Variants in CCDC192 observed in about 807,000 individuals in gnomAD.
CCDC192 encodes coiled-coil domain containing 192.
At chr5:127,894,562 A>G (rs927630306) in intron 6 of CCDC192, among the ~76,000 whole-genome samples, 1 of 152,176 alleles carries the variant, frequency 6.6e-6, no homozygotes, top group Non-Finnish European at 1.5e-5. Context: ...TGAATGGACA[A>G]TGTAAGTTTC....
Position 127,789,697 on chromosome 5 carries a change from A to T in CCDC192, c.223-7406A>T, listed in dbSNP as rs1756756142. On this transcript the variant is annotated intron_variant, in intron 3 of 6. Coordinates refer to ENST00000514853, the MANE Select transcript of CCDC192 (RefSeq NM_001317938.2). ...AAGGAGATGAAGGTGGGGGAAAATG[A>T]AGAAAGTTTCTCAGACTTCTTAGAG... 2.0e-5 allele frequency among the ~76,000 whole-genome samples: 3 copies of T among 152,266 alleles called. No homozygotes were observed. The South Asian group carries it at 6.2e-4, about 31-fold the overall frequency.
At chr5:127,923,377 C>CTTTT (rs746234133) in intron 6 of CCDC192, among the ~76,000 whole-genome samples, 1,662 of 142,348 alleles carry the variant, frequency 0.012, 26 homozygotes, top group African/African-American at 0.041. Context: ...TTTCATTAGT[C>CTTTT]TTTTTTTTTT....
chr5:127,864,000 T>C (rs1201254056), intron 5 of CCDC192, among the ~76,000 whole-genome samples: 3 of 152,178 alleles, frequency 2.0e-5, no homozygotes, highest in Non-Finnish European at 4.4e-5. Context: ...CACTCTTACC[T>C]AGAAAAAATC....
chr5:127,801,707 GC>G (rs1179474639), intron 5 of CCDC192, among the ~76,000 whole-genome samples: 2 of 152,146 alleles, frequency 1.3e-5, no homozygotes, highest in Non-Finnish European at 2.9e-5. Context: ...GGTCCCCACA[GC>G]CTCCTTTAGA....
intron 5 of CCDC192, among the ~76,000 whole-genome samples, chr5:127,859,423 T>C (rs1241477785): frequency 1.3e-5 from 2 of 152,230 alleles, no homozygotes; most frequent in Non-Finnish European, 2.9e-5. Flanking sequence ...TCTAGGATTC[T>C]GGAATCTGGC....
At chr5:127,707,496 A>G (rs1339976167) in intron 1 of CCDC192, among the ~76,000 whole-genome samples, 1 of 152,092 alleles carries the variant, frequency 6.6e-6, no homozygotes, top group Non-Finnish European at 1.5e-5. Flanking sequence ...GAACTTTTAA[A>G]GGCTATTTTA....
chr5:127,833,494 G>A (rs1423960341), intron 5 of CCDC192, among the ~76,000 whole-genome samples: 1 of 152,108 alleles, frequency 6.6e-6, no homozygotes, highest in African/African-American at 2.4e-5. Context: ...TATGTTCCAT[G>A]TATCCTCCTT....
intron 3 of CCDC192, among the ~76,000 whole-genome samples, chr5:127,777,914 A>G (rs769922967): frequency 2.0e-5 from 3 of 151,290 alleles, no homozygotes; most frequent in Non-Finnish European, 2.9e-5. Flanking sequence ...TTTTTTTACA[A>G]ATTATCCAGT....
At chr5:127,791,452 G>T (rs1470867375) in intron 3 of CCDC192, among the ~76,000 whole-genome samples, 1 of 152,192 alleles carries the variant, frequency 6.6e-6, no homozygotes, top group Non-Finnish European at 1.5e-5. Flanking sequence ...AACTGGTCCT[G>T]TCACAAAAAT....
chr5:127,897,301 A>T (rs1752922430), intron 6 of CCDC192, among the ~76,000 whole-genome samples: 1 of 152,120 alleles, frequency 6.6e-6, no homozygotes, highest in Non-Finnish European at 1.5e-5. Flanking sequence ...AACAACAAAA[A>T]ATCAGTCTCT....
At chr5:127,835,478 T>C (rs1238002832) in intron 5 of CCDC192, among the ~76,000 whole-genome samples, 2 of 152,206 alleles carry the variant, frequency 1.3e-5, no homozygotes, top group African/African-American at 2.4e-5. Context: ...AATGGCACTT[T>C]GGTTTAATGG....
At chr5:127,779,983 A>G (rs942811950) in intron 3 of CCDC192, among the ~76,000 whole-genome samples, 1 of 151,964 alleles carries the variant, frequency 6.6e-6, no homozygotes, top group Non-Finnish European at 1.5e-5. Context: ...AACATATGAC[A>G]TTTGGTTTTC....
intron 5 of CCDC192, among the ~76,000 whole-genome samples, chr5:127,852,686 A>G (rs561356423): frequency 6.6e-6 from 1 of 152,318 alleles, no homozygotes; most frequent in South Asian, 2.1e-4. Flanking sequence ...TTTGTAAGCT[A>G]CTAAAGATGC....
At chr5:127,765,419 G>A (rs905024564) in intron 3 of CCDC192, among the ~76,000 whole-genome samples, 2 of 152,042 alleles carry the variant, frequency 1.3e-5, no homozygotes, top group African/African-American at 4.8e-5. Context: ...GATATACTGA[G>A]TTTATTTTTA....
intron 2 of CCDC192, among the ~76,000 whole-genome samples, chr5:127,713,032 C>T (rs189596773): frequency 3.0e-3 from 462 of 152,098 alleles, no homozygotes; most frequent in African/African-American, 0.011. Context: ...GTCGGGAGTT[C>T]GAGACCAGCC....
chr5:127,825,710 A>G (rs1210095880), intron 5 of CCDC192, among the ~76,000 whole-genome samples: 1 of 152,226 alleles, frequency 6.6e-6, no homozygotes, highest in Non-Finnish European at 1.5e-5. Flanking sequence ...CATTCACTTT[A>G]TGGAGGGCCA....
chr5:127,752,440 G>A (rs1280503892), intron 2 of CCDC192, among the ~76,000 whole-genome samples: 1 of 152,188 alleles, frequency 6.6e-6, no homozygotes, highest in African/African-American at 2.4e-5. Context: ...TCAGGGGTCA[G>A]GGACCCACTT....
intron 3 of CCDC192, among the ~76,000 whole-genome samples, chr5:127,795,007 A>C (rs1411265635): frequency 6.6e-6 from 1 of 152,164 alleles, no homozygotes; most frequent in Non-Finnish European, 1.5e-5. Flanking sequence ...CAATTTGATA[A>C]ATAGGCCGGA....
At chr5:127,757,798 ACTCTCTCTCT>A (rs112955117) in intron 3 of CCDC192, among the ~76,000 whole-genome samples, 25 of 117,366 alleles carry the variant, frequency 2.1e-4, no homozygotes, top group African/African-American at 8.7e-4. Flanking sequence ...ACACACACAC[ACTCTCTCTCT>A]CTCTCTCTCT....
Sources: gnomAD v4.1 joint callset for allele counts (sites outside exome capture counted in the v4.1 genomes callset) on GRCh38, gnomAD v4.1.1 for gene constraint, MANE v1.5 for transcripts, NCBI Gene and HGNC (gene_info 2026-07-23, HGNC 2026-07-21) for gene names.